The following TNFSF4 variants were observed in gnomAD, a reference collection of about 807,000 sequenced individuals.
TNFSF4 encodes tumor necrosis factor ligand superfamily member 4.
A neutral mutation model predicts 7.3 loss-of-function variants in TNFSF4; 4 were observed. The observed-to-expected ratio is 0.55, with a 90% CI of 0.27 to 1.25. The LOEUF is 1.25. Ranked by LOEUF, TNFSF4 falls within the 50% of genes most tolerant of loss-of-function variation. TNFSF4 has a pLI of 0.12. For synonymous variants in TNFSF4, 76 were observed against 83.7 expected (o/e 0.91, Z 0.50); for missense variants, 181 against 208.8 (o/e 0.87, Z 0.82).
chr1:173,191,914 C>A (rs965461952), intron 1 of TNFSF4, among the ~76,000 whole-genome samples: 1 of 152,188 alleles, frequency 6.6e-6, no homozygotes, highest in Admixed American at 6.5e-5. Context: ...CAGTGGCTGA[C>A]GCTTGTAATC....
chr1:173,415,261 T>G, the TNFSF4 span, among the ~76,000 whole-genome samples: 2 of 152,194 alleles, frequency 1.3e-5, no homozygotes, highest in Non-Finnish European at 2.9e-5. Context: ...TCCTTACATA[T>G]CTCCCCAACA....
the TNFSF4 span, among the ~76,000 whole-genome samples, chr1:173,253,762 T>C: frequency 2.6e-5 from 4 of 152,318 alleles, no homozygotes; most frequent in East Asian, 5.8e-4. Context: ...CCTGCTAAAA[T>C]TGAACCAAGC....
chr1:173,179,161 A>AT (rs1423955239), downstream of TNFSF4, among the ~76,000 whole-genome samples: 3 of 152,120 alleles, frequency 2.0e-5, no homozygotes. Context: ...GTTCGTGGTA[A>AT]TTTTTTACAG....
chr1:173,338,818 T>C, the TNFSF4 span, among the ~76,000 whole-genome samples: 1 of 152,108 alleles, frequency 6.6e-6, no homozygotes, highest in Non-Finnish European at 1.5e-5. Flanking sequence ...TTAATACTGC[T>C]GCCCAGACAC....
At chr1:173,389,526 C>CACAT in the TNFSF4 span, among the ~76,000 whole-genome samples, 1 of 152,086 alleles carries the variant, frequency 6.6e-6, no homozygotes, top group Non-Finnish European at 1.5e-5. Flanking sequence ...GAAGGGCCTC[C>CACAT]ACATACACAT....
At chr1:173,195,006 T>C (rs1649640130) in intron 1 of TNFSF4, among the ~76,000 whole-genome samples, 1 of 151,840 alleles carries the variant, frequency 6.6e-6, no homozygotes, top group South Asian at 2.1e-4. Flanking sequence ...GTAGAAAGAA[T>C]AACTACCCAT....
the TNFSF4 span, among the ~76,000 whole-genome samples, chr1:173,177,711 T>C: frequency 2.0e-4 from 31 of 152,308 alleles, no homozygotes; most frequent in Admixed American, 1.6e-3. Flanking sequence ...CAAACAAATA[T>C]TTACTGGCCA....
the TNFSF4 span, among the ~76,000 whole-genome samples, chr1:173,367,875 C>T: frequency 2.0e-5 from 3 of 152,184 alleles, no homozygotes; most frequent in African/African-American, 7.2e-5. Context: ...AGAGGTGAAG[C>T]CAGCTGGACT....
At chr1:173,218,077 G>A in the TNFSF4 span, among the ~76,000 whole-genome samples, 9 of 152,226 alleles carry the variant, frequency 5.9e-5, no homozygotes, top group African/African-American at 1.9e-4. Flanking sequence ...TGTGATATTT[G>A]TATTGGACAG....
chr1:173,450,500 G>A, the TNFSF4 span, among the ~76,000 whole-genome samples: 144,251 of 151,808 alleles, frequency 0.95, 69,017 homozygotes, highest in East Asian at 1. Flanking sequence ...TCCTTTAAGA[G>A]CACAGACACA....
chr1:173,409,322 G>A, the TNFSF4 span, among the ~76,000 whole-genome samples: 1 of 152,182 alleles, frequency 6.6e-6, no homozygotes, highest in Non-Finnish European at 1.5e-5. Flanking sequence ...CATTTATTGG[G>A]ACAGCTGGGG....
chr1:173,319,419 C>A, the TNFSF4 span, among the ~76,000 whole-genome samples: 1 of 152,132 alleles, frequency 6.6e-6, no homozygotes, highest in Non-Finnish European at 1.5e-5. Context: ...ACAGCTTCAG[C>A]GGATTTAATC....
At chr1:173,213,486 C>A in the TNFSF4 span, among the ~76,000 whole-genome samples, 4 of 151,950 alleles carry the variant, frequency 2.6e-5, no homozygotes, top group Non-Finnish European at 5.9e-5. Flanking sequence ...TTTTAAATTG[C>A]GTATTTAAAA....
At chr1:173,358,880 C>G in the TNFSF4 span, among the ~76,000 whole-genome samples, 1 of 152,150 alleles carries the variant, frequency 6.6e-6, no homozygotes, top group East Asian at 1.9e-4. Context: ...TGTTTAAAGT[C>G]AGATAGGTCT....
At chr1:173,368,794 C>T in the TNFSF4 span, among the ~76,000 whole-genome samples, 3 of 152,156 alleles carry the variant, frequency 2.0e-5, no homozygotes, top group South Asian at 2.1e-4. Flanking sequence ...CTATCCTGAC[C>T]CTTGCCTCCT....
intron 1 of TNFSF4, among the ~76,000 whole-genome samples, chr1:173,200,757 C>T (rs1178812090): frequency 6.6e-6 from 1 of 152,214 alleles, no homozygotes; most frequent in Admixed American, 6.5e-5. Context: ...CCTGAGGCTA[C>T]ATCACTTAAA....
chr1:173,425,536 T>C, the TNFSF4 span, among the ~76,000 whole-genome samples: 1 of 152,168 alleles, frequency 6.6e-6, no homozygotes, highest in Non-Finnish European at 1.5e-5. Context: ...TCTAGGAAGA[T>C]GGCAAAGCCA....
intron 1 of TNFSF4, among the ~76,000 whole-genome samples, chr1:173,201,698 A>G (rs1407132293): frequency 6.6e-6 from 1 of 152,160 alleles, no homozygotes; most frequent in African/African-American, 2.4e-5. Context: ...GAGTCCTCCA[A>G]AATCTGAGAT....
the TNFSF4 span, among the ~76,000 whole-genome samples, chr1:173,270,718 A>G: frequency 6.6e-6 from 1 of 152,148 alleles, no homozygotes. Context: ...AGCTAAGCCT[A>G]AAGAAAAGGA....
Sources: allele counts gnomAD v4.1 joint callset (sites outside exome capture counted in the v4.1 genomes callset), GRCh38; gene constraint gnomAD v4.1.1; transcripts MANE v1.5; gene names NCBI Gene and HGNC (gene_info 2026-07-23, HGNC 2026-07-21).